ARF3: variants seen among roughly 807,000 people sequenced by gnomAD.
ARF3 encodes ADP-ribosylation factor 3.
ARF3 carries 5 observed loss-of-function variants against 19.3 expected under a neutral mutation model. The ratio of observed to expected loss-of-function variants is 0.26; its 90% confidence interval spans 0.14 to 0.54. ARF3 has a LOEUF of 0.54. ARF3 is among the 20% of genes least tolerant of loss of function. The pLI, the probability that ARF3 is intolerant of heterozygous loss-of-function variation, is 0.95. For missense variants in ARF3, 77 were observed against 234.2 expected (o/e 0.33, Z 4.38); for synonymous variants, 71 against 89.2 (o/e 0.80, Z 1.15).
chr12:48,941,236 T>G, intron 1 of ARF3, 48 bp from the exon 2 acceptor site: 1 of 1,015,364 alleles, frequency 9.8e-7, no homozygotes, highest in Admixed American at 2.6e-5. Flanking sequence ...TTGTCAGGAC[T>G]TCCAAGTAAA....
chr12:48,955,047 A>G (rs1447946970), intron 1 of ARF3, among the ~76,000 whole-genome samples: 1 of 152,210 alleles, frequency 6.6e-6, no homozygotes, highest in African/African-American at 2.4e-5. Flanking sequence ...CTTCAGTTAC[A>G]TACTCAACTT....
In ARF3 at chr12:48,936,753, T is replaced by C. The variant is rs1180208046; in HGVS notation, c.*2194A>G. On this transcript the variant is annotated 3_prime_UTR_variant, in exon 5 of 5. Coordinates refer to ENST00000256682, the MANE Select transcript of ARF3 (RefSeq NM_001659.3). ...GAATGAGGCAGGAGAAGAGGCAAAG[T>C]CCTCATGAACCACAAAGATAGAGTG... The C allele has an allele frequency of 1.3e-5, 2 of 151,998 alleles. No individual in the cohort carries two copies. The highest frequency in any genetic ancestry group is 4.8e-5 in the African/African-American group (2 of 41,288). The allele number at this position is 151,998 out of a possible 1,614,324, so 9.4% of individuals were successfully genotyped here. A position where few individuals can be genotyped will look rare whatever the true frequency, so the allele number is the denominator to read the frequency against.
intron 2 of ARF3, 58 bp from the exon 3 acceptor site, chr12:48,940,165 C>A (rs1940228672): frequency 7.1e-6 from 10 of 1,403,622 alleles, no homozygotes; most frequent in African/African-American, 1.4e-5. Context: ...CCGCAAACAC[C>A]ACCACAATGA....
rs373869923 is a variant in ARF3 at position 48,945,182 on chromosome 12, C to T, written c.-93-3994G>A. Among the ~76,000 whole-genome samples, 17 of 133,666 alleles carry T rather than the reference C, an allele frequency of 1.3e-4. No homozygotes were observed. In the South Asian group the frequency reaches 2.2e-3, roughly 17 times the overall value. The allele number at this position is 133,666 out of a possible 152,430, so 87.7% of individuals were successfully genotyped here. The stretch of plus-strand genomic sequence containing the variant: ...AAAAAAGGCCGGGCACAGTGGCTCA[C>T]GCCTGTAATCCCAGCACTTTGGGAG... On this transcript the variant is annotated intron_variant, in intron 1 of 4. Coordinates refer to ENST00000256682, the MANE Select transcript of ARF3 (RefSeq NM_001659.3).
intron 1 of ARF3, among the ~76,000 whole-genome samples, chr12:48,951,432 T>C (rs956783457): frequency 2.0e-5 from 3 of 151,358 alleles, no homozygotes; most frequent in South Asian, 2.1e-4. Context: ...TGGTGGGGCA[T>C]TCCTGTAATC....
intron 1 of ARF3, among the ~76,000 whole-genome samples, chr12:48,950,846 C>T (rs960830730): frequency 1.3e-5 from 2 of 152,004 alleles, no homozygotes; most frequent in African/African-American, 4.8e-5. Context: ...AGTGCAATGG[C>T]GCAATCTCGG....
At chr12:48,953,289 G>A (rs1020656043) in intron 1 of ARF3, 1 of 152,100 alleles carries the variant, frequency 6.6e-6, no homozygotes, top group Non-Finnish European at 1.5e-5. Flanking sequence ...TTGAAGAGAG[G>A]AGAGATCATG....
At position 48,939,873 on chromosome 12, in the gene ARF3, GCTCCCTTTC is replaced by G. The variant is rs1210285263; in HGVS notation, c.260-103_260-95del. On this transcript the variant is annotated intron_variant, in intron 3 of 4. Coordinates refer to ENST00000256682, the MANE Select transcript of ARF3 (RefSeq NM_001659.3). The surrounding 1 kb of genome is among the most constrained non-coding windows in gnomAD (Gnocchi z 4.8). ...CCTGCCTGACACCCTCCAAATATTT[GCTCCCTTTC>G]CTCCCTTTCTTCTGCCCCCAGGAGC... The G allele has an allele frequency of 1.6e-5, 26 of 1,600,096 alleles. No individual in the cohort carries two copies. The highest frequency in any genetic ancestry group is 2.2e-5 in the Non-Finnish European group (26 of 1,169,214).
intron 1 of ARF3, among the ~76,000 whole-genome samples, chr12:48,952,745 C>T (rs1166483729): frequency 6.6e-6 from 1 of 152,236 alleles, no homozygotes; most frequent in African/African-American, 2.4e-5. Context: ...GAACTGCCTA[C>T]TTAGGGAATA....
At chr12:48,950,076 A>G (rs1940436787) in intron 1 of ARF3, among the ~76,000 whole-genome samples, 1 of 152,166 alleles carries the variant, frequency 6.6e-6, no homozygotes. Context: ...GGGTCCCACT[A>G]TGTTGCCCAC....
chr12:48,947,620 T>C (rs1041821983), intron 1 of ARF3, among the ~76,000 whole-genome samples: 1 of 152,122 alleles, frequency 6.6e-6, no homozygotes, highest in African/African-American at 2.4e-5. Context: ...TCATCAAACA[T>C]TTATTGGGCA....
At chr12:48,945,350 C>G (rs1446933995) in intron 1 of ARF3, among the ~76,000 whole-genome samples, 1 of 151,880 alleles carries the variant, frequency 6.6e-6, no homozygotes, top group African/African-American at 2.4e-5. Context: ...GAGGCCAAGG[C>G]GGGCGGAACA....
In ARF3 at chr12:48,938,022, C is replaced by G. The variant is rs866531597; in HGVS notation, c.*925G>C. Reference sequence around the variant, plus strand: ...CCATGGACTTGCCATCCCCACCCCCCAGTCAAGCTCCAGAGGAACAGATCT... The same window carrying G: ...CCATGGACTTGCCATCCCCACCCCCGAGTCAAGCTCCAGAGGAACAGATCT... On this transcript the variant is annotated 3_prime_UTR_variant, in exon 5 of 5. Coordinates refer to ENST00000256682, the MANE Select transcript of ARF3 (RefSeq NM_001659.3). The G allele has an allele frequency of 1.0e-3, 177 of 174,850 alleles. 2 individuals are homozygous for G. Among genetic ancestry groups the G allele is most frequent in the African/African-American group, 4.0e-3 (172 of 42,540 alleles). The allele number at this position is 174,850 out of a possible 1,614,324, so 10.8% of individuals were successfully genotyped here. A position where few individuals can be genotyped will look rare whatever the true frequency, so the allele number is the denominator to read the frequency against.
chr12:48,955,898 G>A (rs1164103989), intron 1 of ARF3: 4 of 152,106 alleles, frequency 2.6e-5, no homozygotes, highest in Non-Finnish European at 4.4e-5. Flanking sequence ...TCATTCATTC[G>A]GTGAAAAGCT....
rs746721856 is a variant in ARF3 at position 48,938,112 on chromosome 12, C to T, written c.*835G>A. The T allele has an allele frequency of 1.0e-3, 319 of 311,634 alleles. 1 individual carries two copies. The highest frequency in any genetic ancestry group is 1.6e-3 in the Admixed American group (40 of 25,080). 19.3% of individuals were successfully genotyped at this position (311,634 alleles called of 1,614,324 possible). On this transcript the variant is annotated 3_prime_UTR_variant, in exon 5 of 5. Coordinates refer to ENST00000256682, the MANE Select transcript of ARF3 (RefSeq NM_001659.3). ...ATAAGAGTGAGTGGGTTCCTCTCTC[C>T]TTCCCAACAGTAAGGCAGAGCAGAG... is the stretch of plus-strand genomic sequence containing the variant.
At position 48,939,728 on chromosome 12, in the gene ARF3, C is replaced by T. The variant is rs753931886; in HGVS notation, c.311G>A (p.Arg104Gln). The T allele has an allele frequency of 1.9e-6, 3 of 1,614,128 alleles. No individual in the cohort carries two copies. Among genetic ancestry groups the T allele is most frequent in the Admixed American group, 1.7e-5 (1 of 60,012 alleles). Residue 104 changes from arginine (R) to glutamine (Q), a missense_variant, in exon 4 of 5, where the codon CGG becomes CAG. This residue lies in a region of ARF3 where 53 missense variants were observed against 121.2 expected (regional missense o/e 0.44). Coordinates refer to ENST00000256682, the MANE Select transcript of ARF3 (RefSeq NM_001659.3). The surrounding 1 kb of genome is among the most constrained non-coding windows in gnomAD (Gnocchi z 4.8). ...CGCCAGCATTCTCATCAGCTCTTCC[C>T]GGGCCTCATTTACTCGCTCCCGATC... ...SNDRERVNEAREELMRMLAED... is the reference protein window; with the variant it reads ...SNDRERVNEAQEELMRMLAED...
chr12:48,945,105 C>G (rs1360967726), intron 1 of ARF3, among the ~76,000 whole-genome samples: 1 of 138,484 alleles, frequency 7.2e-6, no homozygotes, highest in Non-Finnish European at 1.5e-5. Flanking sequence ...ATGCCGCTGG[C>G]ACTCCAGCCT....
intron 2 of ARF3, among the ~76,000 whole-genome samples, 172 bp downstream of exon 2, chr12:48,940,776 A>C (rs1701190959): frequency 6.6e-6 from 1 of 152,226 alleles, no homozygotes; most frequent in African/African-American, 2.4e-5. Flanking sequence ...TAGGTGGGCA[A>C]ACAGCAGCCT....
Position 48,939,085 on chromosome 12 carries a change from A to G in ARF3, c.408T>C (p.Ala136=). 6.2e-7 allele frequency: 1 copy of G among 1,614,186 alleles called. No individual in the cohort carries two copies. Among genetic ancestry groups the G allele is most frequent in the Non-Finnish European group, 8.5e-7 (1 of 1,180,032 alleles). Residue 136 remains alanine, a synonymous_variant, in exon 5 of 5, where the codon GCT becomes GCC. Transcript: ENST00000256682. The surrounding 1 kb of genome is among the most constrained non-coding windows in gnomAD (Gnocchi z 4.8). ...NKQDLPNAMN[A]AEITDKLGLH... ...GGCCCAGCTTGTCTGTGATCTCAGC[A>G]GCGTTCATAGCATTAGGCAGATCCT...
Sources: gnomAD v4.1 joint callset for allele counts (sites outside exome capture counted in the v4.1 genomes callset) on GRCh38, gnomAD v4.1.1 for gene constraint, gnomAD v4.1.1 regional missense constraint, Gnocchi (gnomAD v3.1) non-coding constraint, MANE v1.5 for transcripts, NCBI Gene and HGNC (gene_info 2026-07-23, HGNC 2026-07-21) for gene names.